STK33: variants seen among roughly 807,000 people sequenced by gnomAD.
STK33 encodes the protein serine/threonine-protein kinase 33.
A neutral mutation model predicts 58.0 loss-of-function variants in STK33; 52 were observed. The ratio of observed to expected loss-of-function variants is 0.90; its 90% CI spans 0.72 to 1.13. The LOEUF (loss-of-function observed/expected upper bound fraction) is 1.13. Ranked by LOEUF, STK33 falls within the 50% of genes most tolerant of loss-of-function variation. The pLI, the probability that STK33 is intolerant of heterozygous loss-of-function variation, is 0.00. For synonymous variants in STK33, 215 were observed against 200.1 expected (o/e 1.07, Z -0.63); for missense variants, 630 against 604.2 (o/e 1.04, Z -0.45).
chr11:8,544,005 G>C, intron 1 of STK33, among the ~76,000 whole-genome samples: 1 of 151,988 alleles, frequency 6.6e-6, no homozygotes. Flanking sequence ...AATACTAAAT[G>C]ATTTTTTTCC....
chr11:8,549,447 T>G (rs1956160601), intron 1 of STK33, among the ~76,000 whole-genome samples: 1 of 152,132 alleles, frequency 6.6e-6, no homozygotes, highest in Admixed American at 6.5e-5. Context: ...TTTTGTTTTT[T>G]TTTTCTTTTT....
chr11:8,481,945 T>G (rs1949837701), intron 1 of STK33, among the ~76,000 whole-genome samples: 1 of 152,214 alleles, frequency 6.6e-6, no homozygotes, highest in Non-Finnish European at 1.5e-5. Flanking sequence ...AATATCAATA[T>G]TTTTGCAGAC....
chr11:8,338,488 A>C, the STK33 span, among the ~76,000 whole-genome samples: 1 of 152,156 alleles, frequency 6.6e-6, no homozygotes, highest in South Asian at 2.1e-4. Context: ...CCAGCCGGCC[A>C]GGACGGTGCC....
At chr11:8,524,403 AG>A (rs1177973432) in intron 1 of STK33, among the ~76,000 whole-genome samples, 1 of 152,226 alleles carries the variant, frequency 6.6e-6, no homozygotes, top group Non-Finnish European at 1.5e-5. Context: ...AAATTATATA[AG>A]GAACTCTAAC....
At chr11:8,502,288 A>T (rs1951573674) in intron 1 of STK33, among the ~76,000 whole-genome samples, 1 of 152,176 alleles carries the variant, frequency 6.6e-6, no homozygotes, top group African/African-American at 2.4e-5. Flanking sequence ...ACAAATACAG[A>T]CACACACCAA....
chr11:8,495,783 T>C (rs528956363), intron 1 of STK33, among the ~76,000 whole-genome samples: 28 of 151,986 alleles, frequency 1.8e-4, no homozygotes, highest in Non-Finnish European at 3.7e-4. Flanking sequence ...AAAGGATGAG[T>C]TGATGTCCTT....
intron 8 of STK33, among the ~76,000 whole-genome samples, chr11:8,459,850 CAT>C (rs1233866211): frequency 1.3e-5 from 2 of 152,110 alleles, no homozygotes; most frequent in Non-Finnish European, 2.9e-5. Flanking sequence ...TGAATCAACA[CAT>C]GTGTATGAGG....
chr11:8,527,912 A>G (rs917103530), intron 1 of STK33, among the ~76,000 whole-genome samples: 15 of 152,196 alleles, frequency 9.9e-5, no homozygotes, highest in Non-Finnish European at 1.5e-4. Context: ...ATCTAATTAA[A>G]TATTTGAATT....
At chr11:8,557,652 C>G (rs927303168) in intron 1 of STK33, among the ~76,000 whole-genome samples, 2 of 151,888 alleles carry the variant, frequency 1.3e-5, no homozygotes, top group African/African-American at 4.8e-5. Flanking sequence ...CTTGTAACTC[C>G]TTTATTCATG....
chr11:8,584,294 T>C (rs1198460071), intron 1 of STK33, among the ~76,000 whole-genome samples: 2 of 152,112 alleles, frequency 1.3e-5, no homozygotes, highest in Non-Finnish European at 2.9e-5. Context: ...TGATTCATAA[T>C]GTAGGGAGGA....
At chr11:8,553,965 A>AG (rs1956549696) in intron 1 of STK33, among the ~76,000 whole-genome samples, 1 of 152,230 alleles carries the variant, frequency 6.6e-6, no homozygotes, top group Non-Finnish European at 1.5e-5. Context: ...CCACCTAAAA[A>AG]GCTTCTGCAG....
chr11:8,364,564 C>A, the STK33 span, among the ~76,000 whole-genome samples: 1 of 151,900 alleles, frequency 6.6e-6, no homozygotes, highest in African/African-American at 2.4e-5. Context: ...GAAGTTTACC[C>A]CTTAGGCCAC....
At chr11:8,536,946 T>TA in intron 1 of STK33, among the ~76,000 whole-genome samples, 1 of 73,650 alleles carries the variant, frequency 1.4e-5, no homozygotes, top group African/African-American at 5.6e-5. Context: ...CATACCCAGC[T>TA]AATTAAAAAA....
chr11:8,570,840 A>G (rs930746542), intron 1 of STK33, among the ~76,000 whole-genome samples: 2 of 152,292 alleles, frequency 1.3e-5, no homozygotes, highest in African/African-American at 4.8e-5. Flanking sequence ...GTACACTTTA[A>G]GCATAGGTAG....
intron 11 of STK33, among the ~76,000 whole-genome samples, chr11:8,447,407 A>G (rs573533495): frequency 2.9e-4 from 44 of 152,324 alleles, no homozygotes; most frequent in African/African-American, 9.6e-4. Context: ...GGCAAACCAA[A>G]TCCAGCAGCA....
chr11:8,441,810 A>C (rs1591083462), intron 11 of STK33, among the ~76,000 whole-genome samples: 1 of 152,330 alleles, frequency 6.6e-6, no homozygotes, highest in Middle Eastern at 3.4e-3. Context: ...GAACTTTAAA[A>C]TTTATACTTT....
intron 1 of STK33, among the ~76,000 whole-genome samples, chr11:8,526,077 AAG>A (rs1447318838): frequency 1.3e-5 from 2 of 152,196 alleles, no homozygotes; most frequent in Non-Finnish European, 2.9e-5. Flanking sequence ...AAGCAGAAAA[AAG>A]AGAACTCGCA....
intron 15 of STK33, among the ~76,000 whole-genome samples, chr11:8,405,439 T>C (rs185948977): frequency 6.6e-6 from 1 of 152,250 alleles, no homozygotes; most frequent in South Asian, 2.1e-4. Context: ...ATTGCCTTAT[T>C]GCAATGTAGG....
At chr11:8,382,876 C>A in the STK33 span, among the ~76,000 whole-genome samples, 1 of 152,184 alleles carries the variant, frequency 6.6e-6, no homozygotes, top group Non-Finnish European at 1.5e-5. Context: ...AGACCCAACC[C>A]CAGAGCGCTG....
Sources: allele counts gnomAD v4.1 joint callset (sites outside exome capture counted in the v4.1 genomes callset), GRCh38; gene constraint gnomAD v4.1.1; transcripts MANE v1.5; gene names NCBI Gene and HGNC (gene_info 2026-07-23, HGNC 2026-07-21).